Variants in KCNMA1 observed in about 807,000 individuals in gnomAD.
The protein encoded by KCNMA1 is Calcium-activated potassium channel subunit alpha-1.
Under a neutral mutation model 140.0 loss-of-function variants are expected in KCNMA1, and 29 were observed. The observed-to-expected ratio is 0.21, with a 90% CI of 0.15 to 0.28. The LOEUF (loss-of-function observed/expected upper bound fraction) is 0.28, where lower values mean the gene tolerates loss of function less well. KCNMA1 is among the 10% of genes least tolerant of loss of function. The probability of loss-of-function intolerance (pLI) is 1.00; values close to 1 mark genes in which losing one functional copy is unlikely to be tolerated. For synonymous variants in KCNMA1, 612 were observed against 611.9 expected (o/e 1.00, Z 0.00); for missense variants, 880 against 1,602.2 (o/e 0.55, Z 7.70).
intron 12 of KCNMA1, 102 bp downstream of exon 12, chr10:77,084,534 CA>C: frequency 3.4e-6 from 3 of 886,008 alleles, no homozygotes; most frequent in Non-Finnish European, 3.6e-6. Context: ...GCTTGTGGGG[CA>C]AAAAGGCCTC....
chr10:77,462,038 C>T (rs2097881338), intron 1 of KCNMA1, among the ~76,000 whole-genome samples: 1 of 151,766 alleles, frequency 6.6e-6, no homozygotes, highest in Non-Finnish European at 1.5e-5. Flanking sequence ...CAAGCAGACA[C>T]ATGCACACAC....
At chr10:77,523,552 G>A (rs1040669871) in intron 1 of KCNMA1, among the ~76,000 whole-genome samples, 5 of 152,230 alleles carry the variant, frequency 3.3e-5, no homozygotes, top group African/African-American at 7.2e-5. Context: ...GAAGAGAAAT[G>A]CTACTGAAAG....
intron 1 of KCNMA1, among the ~76,000 whole-genome samples, chr10:77,524,137 A>G (rs1189034240): frequency 6.6e-6 from 1 of 152,238 alleles, no homozygotes; most frequent in Non-Finnish European, 1.5e-5. Flanking sequence ...ATGACTAAAC[A>G]ATATTTCTCA....
chr10:76,941,265 C>T (rs965548975), intron 23 of KCNMA1, among the ~76,000 whole-genome samples: 1 of 152,102 alleles, frequency 6.6e-6, no homozygotes, highest in African/African-American at 2.4e-5. Context: ...TCCCCATAAT[C>T]CCTATTCCCT....
intron 17 of KCNMA1, among the ~76,000 whole-genome samples, chr10:77,013,823 G>T (rs188896016): frequency 7.2e-4 from 109 of 152,262 alleles, no homozygotes; most frequent in African/African-American, 2.4e-3. Flanking sequence ...ACAGCTAAAA[G>T]TACCAAAGCT....
chr10:77,271,984 G>C (rs2065275989), intron 2 of KCNMA1, among the ~76,000 whole-genome samples: 1 of 152,174 alleles, frequency 6.6e-6, no homozygotes, highest in Admixed American at 6.5e-5. Context: ...TCTGAGTCCA[G>C]GCCAGCTCCT....
chr10:77,202,827 C>A (rs1486564514), intron 3 of KCNMA1, among the ~76,000 whole-genome samples: 1 of 152,074 alleles, frequency 6.6e-6, no homozygotes, highest in African/African-American at 2.4e-5. Context: ...AAAGTCAAGG[C>A]CAAATGAGGC....
intron 3 of KCNMA1, among the ~76,000 whole-genome samples, chr10:77,190,585 C>G (rs1330400953): frequency 1.3e-5 from 2 of 152,158 alleles, no homozygotes; most frequent in Non-Finnish European, 2.9e-5. Flanking sequence ...TTGACTGATT[C>G]ATAAATCCTT....
At chr10:77,346,061 A>G (rs1008678071) in intron 2 of KCNMA1, among the ~76,000 whole-genome samples, 7 of 152,226 alleles carry the variant, frequency 4.6e-5, no homozygotes, top group Non-Finnish European at 7.3e-5. Flanking sequence ...AAATAGGAAT[A>G]TCATGGTAAA....
intron 9 of KCNMA1, among the ~76,000 whole-genome samples, chr10:77,105,168 C>A (rs2097175781): frequency 6.6e-6 from 1 of 152,156 alleles, no homozygotes; most frequent in African/African-American, 2.4e-5. Context: ...GCACAATTAC[C>A]CATACCTACT....
rs574244063 is a variant in KCNMA1, at chr10:77,448,916, G to C, written c.379-44893C>G. ...AGCCAGACTAACATGGTGAAACCCC[G>C]TCTCTACTAAAAATACAAAAATTAG... On this transcript the variant is annotated intron_variant, in intron 1 of 27. Coordinates refer to ENST00000286628, the MANE Select transcript of KCNMA1 (RefSeq NM_001161352.2). Among the ~76,000 whole-genome samples the C allele has an allele frequency of 2.0e-5, 3 of 152,004 alleles. 1 individual carries two copies. The highest frequency in any genetic ancestry group is 6.8e-3 in the Middle Eastern group (2 of 294).
At chr10:76,946,049 A>C (rs1265367658) in intron 22 of KCNMA1, among the ~76,000 whole-genome samples, 1 of 152,208 alleles carries the variant, frequency 6.6e-6, no homozygotes, top group African/African-American at 2.4e-5. Context: ...TAAGCCAGTA[A>C]ACAGATTTTT....
chr10:77,198,568 GATATATATATAT>G (rs3998087), intron 3 of KCNMA1, among the ~76,000 whole-genome samples: 8 of 138,414 alleles, frequency 5.8e-5, no homozygotes, highest in African/African-American at 8.0e-5. Flanking sequence ...ATATATATGT[GATATATATATAT>G]ATATATATAT....
rs1007566700 is a variant in KCNMA1, at chr10:77,637,800, G to A, written c.-158C>T. 101 of 1,230,418 alleles carry A rather than the reference G, an allele frequency of 8.2e-5. No homozygotes were observed. In the East Asian group the frequency reaches 3.3e-3, roughly 40 times the overall value. The allele number at this position is 1,230,418 out of a possible 1,614,324, so 76.2% of individuals were successfully genotyped here. Reference sequence around the variant, plus strand: ...GGGCGGGGAGGCGCCTGGGCTCGGGGCGCTGTGCGCGACCTGGCGGGGTGC... The same window carrying A: ...GGGCGGGGAGGCGCCTGGGCTCGGGACGCTGTGCGCGACCTGGCGGGGTGC... On this transcript the variant is annotated 5_prime_UTR_variant, in exon 1 of 28. Coordinates refer to ENST00000286628, the MANE Select transcript of KCNMA1 (RefSeq NM_001161352.2).
chr10:77,398,138 T>C (rs2154456775), intron 2 of KCNMA1, among the ~76,000 whole-genome samples: 1 of 152,090 alleles, frequency 6.6e-6, no homozygotes, highest in Non-Finnish European at 1.5e-5. Flanking sequence ...TTCCATAGCT[T>C]TGCTATTGTG....
intron 1 of KCNMA1, among the ~76,000 whole-genome samples, chr10:77,536,258 G>T (rs1286605417): frequency 1.3e-5 from 2 of 152,200 alleles, no homozygotes; most frequent in Admixed American, 1.3e-4. Flanking sequence ...ACTACTCTTT[G>T]TCTAGAGATG....
chr10:77,561,561 C>T (rs949111331), intron 1 of KCNMA1, among the ~76,000 whole-genome samples: 3 of 152,168 alleles, frequency 2.0e-5, no homozygotes, highest in Non-Finnish European at 4.4e-5. Context: ...CACTTTCTGG[C>T]GCAGAAGCAG....
intron 23 of KCNMA1, among the ~76,000 whole-genome samples, chr10:76,925,145 C>T (rs1224778955): frequency 6.6e-6 from 1 of 152,114 alleles, no homozygotes; most frequent in Non-Finnish European, 1.5e-5. Flanking sequence ...TGAATTATTA[C>T]TAAATATATA....
chr10:77,544,150 C>CTG (rs35370605), intron 1 of KCNMA1, among the ~76,000 whole-genome samples: 41,007 of 142,136 alleles, frequency 0.29, 6,164 homozygotes, highest in Non-Finnish European at 0.37. Context: ...ATCTTTCCAG[C>CTG]TGTGTGTGTG....
Sources: gnomAD v4.1 joint callset for allele counts (sites outside exome capture counted in the v4.1 genomes callset) on GRCh38, gnomAD v4.1.1 for gene constraint, MANE v1.5 for transcripts, NCBI Gene and HGNC (gene_info 2026-07-23, HGNC 2026-07-21) for gene names.